Variants in ELL2 observed in about 807,000 individuals in gnomAD.
ELL2 encodes the protein elongation factor for RNA polymerase II 2.
A neutral mutation model predicts 72.8 loss-of-function variants in ELL2; 21 were observed. The observed-to-expected ratio is 0.29, with a 90% CI of 0.20 to 0.42. ELL2 has a LOEUF of 0.42. ELL2 is among the 10% of genes least tolerant of loss of function. The pLI is 1.00. For synonymous variants in ELL2, 266 were observed against 283.2 expected, an observed-to-expected ratio of 0.94 and a Z score of 0.61; for missense variants, 568 against 772.8, an observed-to-expected ratio of 0.73 and a Z score of 3.14.
At chr5:95,911,668 T>C (rs1749606925) in intron 4 of ELL2, among the ~76,000 whole-genome samples, 2 of 151,832 alleles carry the variant, frequency 1.3e-5, no homozygotes, top group African/African-American at 2.4e-5. Context: ...TTAAGAATAG[T>C]GTGGCCAGTT....
At chr5:95,946,459 C>T (rs941076782) in intron 1 of ELL2, among the ~76,000 whole-genome samples, 3 of 152,198 alleles carry the variant, frequency 2.0e-5, no homozygotes, top group African/African-American at 2.4e-5. Flanking sequence ...ACCCTTATCA[C>T]CTCACAACTA....
rs1047277857 is a variant in ELL2, at chr5:95,887,811, T to C, written c.*1060A>G. ...CTTCAAAAAATACTTTATAGCAGTA[T>C]ATAAATAGGTTACCTACACATTTCA... On this transcript the variant is annotated 3_prime_UTR_variant, in exon 12 of 12. Transcript: ENST00000237853. 5.2e-5 allele frequency: 8 copies of C among 152,508 alleles called. No individual in the cohort carries two copies. Among genetic ancestry groups the C allele is most frequent in the Admixed American group, 3.9e-4 (6 of 15,282 alleles). 9.4% of individuals were successfully genotyped at this position (152,508 alleles called of 1,614,324 possible). A position where few individuals can be genotyped will look rare whatever the true frequency, so the allele number is the denominator to read the frequency against.
At position 95,961,844 on chromosome 5, in the gene ELL2, C is replaced by T; in HGVS notation, c.-123G>A. On this transcript the variant is annotated 5_prime_UTR_variant, in exon 1 of 12. An upstream start codon of the reference 5' UTR is lost. Coordinates refer to ENST00000237853, the MANE Select transcript of ELL2 (RefSeq NM_012081.6). The stretch of plus-strand genomic sequence containing the variant: ...GGCCATCCCGCTGCTGACGTACTGT[C>T]ATATACTGCGCGGAGCCAGACCTCG... 1.6e-6 allele frequency: 2 copies of T among 1,286,676 alleles called. No homozygotes were observed. The highest frequency in any genetic ancestry group is 2.0e-6 in the Non-Finnish European group (2 of 978,310). 79.7% of individuals were successfully genotyped at this position (1,286,676 alleles called of 1,614,324 possible).
At chr5:95,918,060 T>A (rs1240590619) in intron 3 of ELL2, among the ~76,000 whole-genome samples, 1 of 152,212 alleles carries the variant, frequency 6.6e-6, no homozygotes, top group Non-Finnish European at 1.5e-5. Context: ...TAACTCTGGA[T>A]AAATCACCTG....
In ELL2 at chr5:95,886,444, C is replaced by T. The variant is rs1205644172; in HGVS notation, c.*2427G>A. 6.6e-6 allele frequency: 1 copy of T among 152,142 alleles called. No individual in the cohort carries two copies. Among genetic ancestry groups the T allele is most frequent in the Non-Finnish European group, 1.5e-5 (1 of 68,018 alleles). The allele number at this position is 152,142 out of a possible 1,614,324, so 9.4% of individuals were successfully genotyped here. A position where few individuals can be genotyped will look rare whatever the true frequency, so the allele number is the denominator to read the frequency against. ...TCTAAGGGTATGCAATGCTGGATTTCCATTTAGCATCTCCAGCTTTCATTG... is the reference window on the plus strand; with the variant it reads ...TCTAAGGGTATGCAATGCTGGATTTTCATTTAGCATCTCCAGCTTTCATTG... On this transcript the variant is annotated 3_prime_UTR_variant, in exon 12 of 12. Coordinates refer to ENST00000237853, the MANE Select transcript of ELL2 (RefSeq NM_012081.6).
At chr5:95,950,915 T>C (rs1375299990) in intron 1 of ELL2, among the ~76,000 whole-genome samples, 5,826 of 65,228 alleles carry the variant, frequency 0.089, 429 homozygotes, top group East Asian at 0.33. Flanking sequence ...TATATATATA[T>C]ATATATATAT....
intron 10 of ELL2, among the ~76,000 whole-genome samples, chr5:95,889,545 G>A (rs147353587): frequency 6.6e-5 from 10 of 152,130 alleles, no homozygotes; most frequent in South Asian, 2.1e-4. Context: ...GCAAAGTGCT[G>A]AACAATATGG....
chr5:95,899,421 A>G (rs1749041062), intron 7 of ELL2, among the ~76,000 whole-genome samples: 1 of 152,002 alleles, frequency 6.6e-6, no homozygotes, highest in African/African-American at 2.4e-5. Flanking sequence ...TAGTTTCTCT[A>G]ATTATCTCTA....
At chr5:95,889,015 G>T in intron 11 of ELL2, 28 bp from the exon 12 acceptor site, 22 of 1,205,856 alleles carry the variant, frequency 1.8e-5, no homozygotes, top group Non-Finnish European at 2.4e-5. Flanking sequence ...AAAAAAAAAA[G>T]AGGAATGAGA....
chr5:95,931,004 C>T lies in ELL2; in HGVS notation c.196-11459G>A, dbSNP rs1007677468. Among the ~76,000 whole-genome samples the T allele has an allele frequency of 2.0e-5, 3 of 152,124 alleles. No homozygotes were observed. In the South Asian group the frequency reaches 6.2e-4, roughly 32 times the overall value. On this transcript the variant is annotated intron_variant, in intron 2 of 11. Transcript: ENST00000237853. ...CTTGTTCTTTCTCCTTTTTAAAACGCTTTCTTTAGAATTCTCCCTTTGCAC... is the reference window on the plus strand; with the variant it reads ...CTTGTTCTTTCTCCTTTTTAAAACGTTTTCTTTAGAATTCTCCCTTTGCAC...
intron 2 of ELL2, among the ~76,000 whole-genome samples, chr5:95,922,448 A>G (rs1249019093): frequency 6.6e-6 from 1 of 152,206 alleles, no homozygotes; most frequent in Non-Finnish European, 1.5e-5. Flanking sequence ...AAATTCTGCA[A>G]ATGTGCAGTG....
At chr5:95,941,969 C>CAGGA (rs1750986240) in intron 2 of ELL2, among the ~76,000 whole-genome samples, 1 of 152,216 alleles carries the variant, frequency 6.6e-6, no homozygotes, top group Admixed American at 6.5e-5. Context: ...AAGAGGAAAA[C>CAGGA]AGGACTTAAT....
At chr5:95,905,961 A>C (rs144368524) in intron 5 of ELL2, among the ~76,000 whole-genome samples, 39 of 152,310 alleles carry the variant, frequency 2.6e-4, no homozygotes, top group African/African-American at 8.4e-4. Flanking sequence ...ACTTTCTTAC[A>C]CGTAAGCTTG....
At chr5:95,953,746 T>C (rs1751508331) in intron 1 of ELL2, among the ~76,000 whole-genome samples, 1 of 152,056 alleles carries the variant, frequency 6.6e-6, no homozygotes, top group African/African-American at 2.4e-5. Context: ...AAAACAGAAA[T>C]AGAGGTAATG....
chr5:95,936,834 G>A lies in ELL2; in HGVS notation c.195+6168C>T, dbSNP rs138652848. ...GAGTACTATTAAAGTGATACTGCCT[G>A]CAACATAAATAACTCAATTCTACAA... On this transcript the variant is annotated intron_variant, in intron 2 of 11. Transcript: ENST00000237853. 2.5e-3 allele frequency among the ~76,000 whole-genome samples: 385 copies of A among 152,232 alleles called. 1 individual carries two copies. The highest frequency in any genetic ancestry group is 8.9e-3 in the African/African-American group (369 of 41,548).
At chr5:95,898,962 A>AAAAC (rs3836903) in intron 7 of ELL2, 152 bp from the exon 8 acceptor site, 135,617 of 494,138 alleles carry the variant, frequency 0.27, 22,482 homozygotes, top group African/African-American at 0.54. Context: ...GCTTAAGCAA[A>AAAAC]AAACAAACAA....
chr5:95,916,819 AG>A (rs1313000286), intron 3 of ELL2, among the ~76,000 whole-genome samples: 1 of 151,068 alleles, frequency 6.6e-6, no homozygotes, highest in Admixed American at 6.6e-5. Flanking sequence ...AGTGGGAGAG[AG>A]GGGGGAGAGT....
chr5:95,927,413 GTA>G (rs569462021), intron 2 of ELL2, among the ~76,000 whole-genome samples: 1 of 32,172 alleles, frequency 3.1e-5, no homozygotes, highest in Admixed American at 2.4e-4. Flanking sequence ...ACACACGTGT[GTA>G]TATAGACATA....
At chr5:95,893,602 G>T (rs1311991816) in intron 9 of ELL2, among the ~76,000 whole-genome samples, 2 of 152,126 alleles carry the variant, frequency 1.3e-5, no homozygotes, top group Non-Finnish European at 2.9e-5. Context: ...AGCCAGGATG[G>T]TCTCGATCTC....
Sources: gnomAD v4.1 joint callset for allele counts (sites outside exome capture counted in the v4.1 genomes callset) on GRCh38, gnomAD v4.1.1 for gene constraint, MANE v1.5 for transcripts, NCBI Gene and HGNC (gene_info 2026-07-23, HGNC 2026-07-21) for gene names.